The following SNX30 variants were observed in gnomAD, a reference collection of about 807,000 sequenced individuals.
The protein encoded by SNX30 is sorting nexin-30.
A neutral mutation model predicts 46.4 loss-of-function variants in SNX30; 24 were observed. The ratio of observed to expected loss-of-function variants is 0.52; its 90% confidence interval spans 0.37 to 0.73. The LOEUF (loss-of-function observed/expected upper bound fraction) is 0.73. Among genes scored for constraint, SNX30 ranks in the 30% least tolerant of loss-of-function variants. The pLI, the probability that SNX30 is intolerant of heterozygous loss-of-function variation, is 0.00. For missense variants in SNX30, 533 were observed against 555.7 expected (o/e 0.96, Z 0.41); for synonymous variants, 189 against 211.5 (o/e 0.89, Z 0.92).
At chr9:112,844,965 A>G (rs1432989282) in intron 6 of SNX30, among the ~76,000 whole-genome samples, 2 of 152,206 alleles carry the variant, frequency 1.3e-5, no homozygotes, top group Non-Finnish European at 2.9e-5. Flanking sequence ...TTTCTGGAAG[A>G]TTGATTTGTC....
At chr9:112,810,328 T>G (rs1840300641) in intron 2 of SNX30, among the ~76,000 whole-genome samples, 1 of 152,176 alleles carries the variant, frequency 6.6e-6, no homozygotes, top group Non-Finnish European at 1.5e-5. Flanking sequence ...TTGATTTTGT[T>G]TCTCCTCTAG....
chr9:112,819,266 C>CTTTTTTTTTTT (rs35138610), intron 3 of SNX30, among the ~76,000 whole-genome samples: 18 of 116,984 alleles, frequency 1.5e-4, no homozygotes, highest in East Asian at 2.5e-4. Flanking sequence ...TTCTTTCTTT[C>CTTTTTTTTTTT]TTTTTTTTTT....
intron 4 of SNX30, among the ~76,000 whole-genome samples, chr9:112,831,333 C>T (rs1408415445): frequency 1.3e-5 from 2 of 152,114 alleles, no homozygotes; most frequent in Non-Finnish European, 2.9e-5. Flanking sequence ...CCACCCCATC[C>T]GGGGCCCCAC....
chr9:112,755,760 C>T (rs1347226792), intron 1 of SNX30, among the ~76,000 whole-genome samples: 2 of 151,888 alleles, frequency 1.3e-5, no homozygotes, highest in Non-Finnish European at 2.9e-5. Flanking sequence ...CCAGTGATGT[C>T]GGGGATCTGT....
intron 1 of SNX30, among the ~76,000 whole-genome samples, chr9:112,779,810 A>C (rs1400646273): frequency 6.6e-6 from 1 of 152,208 alleles, no homozygotes; most frequent in Non-Finnish European, 1.5e-5. Context: ...TGAGTGCTCC[A>C]CTAGTTTTCT....
intron 1 of SNX30, among the ~76,000 whole-genome samples, chr9:112,753,870 A>G (rs1187423566): frequency 6.6e-6 from 1 of 152,220 alleles, no homozygotes; most frequent in Non-Finnish European, 1.5e-5. Context: ...ACTCTGAAGA[A>G]ATTTCTGTAG....
intron 5 of SNX30, among the ~76,000 whole-genome samples, chr9:112,837,973 C>T (rs989788434): frequency 1.4e-5 from 2 of 146,276 alleles, no homozygotes; most frequent in Non-Finnish European, 3.0e-5. Context: ...TCACTGCAAC[C>T]TCTGCCTCCT....
At position 112,870,794 on chromosome 9, in the gene SNX30, C is replaced by A. The variant is rs887205328; in HGVS notation, c.*1951C>A. The A allele has an allele frequency of 2.6e-5, 4 of 152,234 alleles. No homozygotes were observed. Among genetic ancestry groups the A allele is most frequent in the Admixed American group, 2.0e-4 (3 of 15,290 alleles). The allele number at this position is 152,234 out of a possible 1,614,324, so 9.4% of individuals were successfully genotyped here. A position where few individuals can be genotyped will look rare whatever the true frequency, so the allele number is the denominator to read the frequency against. On this transcript the variant is annotated 3_prime_UTR_variant, in exon 9 of 9. Transcript: ENST00000374232. ...CTCTGCTGATATTTGGCAGAAGGCA[C>A]CAGACCAGCCCAGCAGCAAATGCTC...
chr9:112,853,107 G>T (rs1410847777), intron 7 of SNX30, among the ~76,000 whole-genome samples: 1 of 152,186 alleles, frequency 6.6e-6, no homozygotes, highest in East Asian at 1.9e-4. Flanking sequence ...CTTTGATGCC[G>T]AGTGGCTCTC....
chr9:112,790,772 T>A (rs16917351), intron 1 of SNX30, among the ~76,000 whole-genome samples: 1,668 of 152,374 alleles, frequency 0.011, 25 homozygotes, highest in African/African-American at 0.037. Context: ...TAGCAGTTCA[T>A]GTTTACCATT....
intron 3 of SNX30, among the ~76,000 whole-genome samples, chr9:112,822,847 A>G (rs1035719401): frequency 3.3e-5 from 5 of 152,214 alleles, no homozygotes; most frequent in Admixed American, 2.0e-4. Flanking sequence ...CGCTGTAGAC[A>G]TTGCCCACCT....
intron 1 of SNX30, among the ~76,000 whole-genome samples, chr9:112,763,052 A>G (rs1020106901): frequency 6.6e-6 from 1 of 152,202 alleles, no homozygotes; most frequent in African/African-American, 2.4e-5. Flanking sequence ...GGAAGCGGTC[A>G]GGCCAAGACA....
intron 3 of SNX30, among the ~76,000 whole-genome samples, chr9:112,828,325 A>G (rs1021885083): frequency 1.7e-4 from 26 of 151,884 alleles, no homozygotes; most frequent in African/African-American, 6.0e-4. Flanking sequence ...AATTGTCTAC[A>G]GTAGTCAGCA....
At chr9:112,805,097 G>A in intron 2 of SNX30, 130 bp downstream of exon 2, 1 of 529,202 alleles carries the variant, frequency 1.9e-6, no homozygotes, top group Non-Finnish European at 3.2e-6. Flanking sequence ...TTGTGAGTGT[G>A]GCTTCTTGAG....
At chr9:112,838,886 C>T (rs1390023824) in intron 6 of SNX30, among the ~76,000 whole-genome samples, 189 bp downstream of exon 6, 1 of 146,446 alleles carries the variant, frequency 6.8e-6, no homozygotes, top group Admixed American at 6.8e-5. Flanking sequence ...GTGAATTAAA[C>T]AAAAAAAAAA....
At chr9:112,853,278 C>G (rs1393209647) in intron 7 of SNX30, among the ~76,000 whole-genome samples, 1 of 152,224 alleles carries the variant, frequency 6.6e-6, no homozygotes, top group Non-Finnish European at 1.5e-5. Context: ...TCTGGTTCCT[C>G]CTGCCACAGG....
chr9:112,816,951 C>T (rs1840406036), intron 2 of SNX30, among the ~76,000 whole-genome samples: 1 of 152,066 alleles, frequency 6.6e-6, no homozygotes, highest in Admixed American at 6.6e-5. Flanking sequence ...TAAAGTGCTG[C>T]AATCACATTT....
rs1286164807 is a variant in SNX30, at chr9:112,836,303, G to T, written c.708G>T (p.Arg236Ser). 1.2e-6 allele frequency: 2 copies of T among 1,613,600 alleles called. No individual in the cohort carries two copies. The highest frequency in any genetic ancestry group is 3.3e-5 in the Admixed American group (2 of 60,030). The change falls in exon 5 of 9, where the codon AGG (arginine) becomes AGT (serine). Residue 236 changes from arginine (R) to serine (S), a missense_variant. Transcript: ENST00000374232. ...ACGTCACTGGCGGCTACAAGCTGAG[G>T]ACTCGGCCGCTTGAGTTTGCTGCCA... ...VKHVTGGYKL[R>S]TRPLEFAAIG...
chr9:112,781,550 CA>C (rs1839846901), intron 1 of SNX30, among the ~76,000 whole-genome samples: 1 of 152,118 alleles, frequency 6.6e-6, no homozygotes. Flanking sequence ...AGACTAAGGC[CA>C]AAAGGGTGTA....
Sources: allele counts gnomAD v4.1 joint callset (sites outside exome capture counted in the v4.1 genomes callset), GRCh38; gene constraint gnomAD v4.1.1; transcripts MANE v1.5; gene names NCBI Gene and HGNC (gene_info 2026-07-23, HGNC 2026-07-21).